Variants in ZNF385A observed in about 807,000 individuals in gnomAD.
The protein encoded by ZNF385A is hematopoietic zinc finger protein.
In ZNF385A, 14 loss-of-function variants were observed where a neutral mutation model predicts 32.1. The observed-to-expected ratio is 0.44, with a 90% CI of 0.29 to 0.68. The LOEUF (loss-of-function observed/expected upper bound fraction) is 0.68. Ranked by LOEUF, ZNF385A falls within the 30% of genes least tolerant of loss-of-function variation. The pLI, the probability that ZNF385A is intolerant of heterozygous loss-of-function variation, is 0.14. For synonymous variants in ZNF385A, 197 were observed against 202.7 expected, an observed-to-expected ratio of 0.97 and a Z score of 0.24; for missense variants, 406 against 478.4, an observed-to-expected ratio of 0.85 and a Z score of 1.41.
At chr12:54,388,300 T>G (rs1313743958), upstream of ZNF385A, among the ~76,000 whole-genome samples, 1 of 152,246 alleles carries the variant, frequency 6.6e-6, no homozygotes, top group Non-Finnish European at 1.5e-5. Context: ...TTTCACATCC[T>G]ACTTAGCCCT....
rs138539214 is a variant in ZNF385A at position 54,374,025 on chromosome 12, T to C, written c.309A>G (p.Pro103=). The C allele has an allele frequency of 5.6e-6, 9 of 1,596,638 alleles. No individual in the cohort carries two copies. The African/African-American group carries it at 1.2e-4, about 21-fold the overall frequency. Residue 103 remains proline (P), a synonymous_variant, in exon 3 of 7, where the codon CCA becomes CCG. Transcript: ENST00000394313. Reference sequence around the variant, plus strand: ...TTGTTGGGGTGCTGCCTGGGGGAGCTGGGTCTCCAGGTTCTCGGACGCCAG... The same window carrying C: ...TTGTTGGGGTGCTGCCTGGGGGAGCCGGGTCTCCAGGTTCTCGGACGCCAG... The part of the protein sequence containing the change: ...REPGVREPGD[P]APPGSTPTNG...
intron 2 of ZNF385A, 62 bp from the exon 3 acceptor site, chr12:54,374,197 C>CAA (rs1555159644): frequency 1.4e-6 from 2 of 1,394,040 alleles, no homozygotes; most frequent in East Asian, 5.1e-5. Context: ...GATCTCCCCA[C>CAA]AGAGCTCCCT....
In ZNF385A at chr12:54,384,549, G is replaced by C. The variant is rs781283316; in HGVS notation, c.-35C>G. 2.0e-6 allele frequency: 3 copies of C among 1,486,256 alleles called. No individual in the cohort carries two copies. Among genetic ancestry groups the C allele is most frequent in the South Asian group, 1.3e-5 (1 of 75,570 alleles). The allele number at this position is 1,486,256 out of a possible 1,614,324, so 92.1% of individuals were successfully genotyped here. On this transcript the variant is annotated 5_prime_UTR_variant, in exon 1 of 7. Coordinates refer to ENST00000394313, the MANE Select transcript of ZNF385A (RefSeq NM_015481.3). ...CTGCCGTAGCAGAGGCAGGGGCCCT[G>C]CCCGGCTCAGGCTGCCTGAAGGGCA...
chr12:54,371,527 C>G lies in ZNF385A; in HGVS notation c.550G>C (p.Ala184Pro), dbSNP rs1220235796. ...GAGTTCACAGCCACCTTGCACAGAG[C>G]ACAGTAGAGCAGCCGCTTGGCTTTC... ...EEKAKRLLYC[A>P]LCKVAVNSLS... The change falls in exon 4 of 7, where the codon GCT becomes CCT. Residue 184 changes from alanine to proline, a missense_variant. By Grantham distance (27) the Ala-to-Pro change is conservative (BLOSUM62 -1). Transcript: ENST00000394313. 2 of 1,613,268 alleles carry G rather than the reference C, an allele frequency of 1.2e-6. No individual in the cohort carries two copies. The highest frequency in any genetic ancestry group is 1.7e-6 in the Non-Finnish European group (2 of 1,179,754).
intron 1 of ZNF385A, among the ~76,000 whole-genome samples, chr12:54,380,596 T>C (rs1955103764): frequency 6.6e-6 from 1 of 152,166 alleles, no homozygotes; most frequent in South Asian, 2.1e-4. Context: ...TACAGGAACA[T>C]ATTTCCCTCC....
At chr12:54,382,244 G>GTT (rs35563558) in intron 1 of ZNF385A, among the ~76,000 whole-genome samples, 1 of 147,964 alleles carries the variant, frequency 6.8e-6, no homozygotes, top group African/African-American at 2.5e-5. Flanking sequence ...GTTTTTTGTT[G>GTT]TTTTTTTTTT....
rs1207821822 is a variant in ZNF385A, at chr12:54,371,069, G to A, written c.632C>T (p.Ala211Val). Reference sequence around the variant, plus strand: ...TTTGATGGGCCCGAGCCCACTTCGGGCCTCCAGAATTGTCTTGTGCTTAGT... The same window carrying A: ...TTTGATGGGCCCGAGCCCACTTCGGACCTCCAGAATTGTCTTGTGCTTAGT... The part of the protein sequence containing the change: ...KGTKHKTILE[A>V]RSGLGPIKAY... The change falls in exon 5 of 7, where the codon GCC becomes GTC. Residue 211 changes from alanine (A) to valine (V), a missense_variant. Physicochemically the swap from Ala to Val is moderately conservative, Grantham distance 64. Coordinates refer to ENST00000394313, the MANE Select transcript of ZNF385A (RefSeq NM_015481.3). 2 of 1,611,946 alleles carry A rather than the reference G, an allele frequency of 1.2e-6. No individual in the cohort carries two copies. The highest frequency in any genetic ancestry group is 1.7e-6 in the Non-Finnish European group (2 of 1,179,138).
At chr12:54,375,191 A>T (rs1166283123) in intron 2 of ZNF385A, among the ~76,000 whole-genome samples, 5 of 152,084 alleles carry the variant, frequency 3.3e-5, no homozygotes, top group Admixed American at 6.5e-5. Context: ...TGCACCCCAC[A>T]AAGTCCCCTC....
chr12:54,373,981 G>T lies in ZNF385A; in HGVS notation c.353C>A (p.Pro118His). 6.5e-7 allele frequency: 1 copy of T among 1,530,528 alleles called. No individual in the cohort carries two copies. The highest frequency in any genetic ancestry group is 8.8e-7 in the Non-Finnish European group (1 of 1,132,840). The allele number at this position is 1,530,528 out of a possible 1,614,324, so 94.8% of individuals were successfully genotyped here. A position where few individuals can be genotyped will look rare whatever the true frequency, so the allele number is the denominator to read the frequency against. Residue 118 changes from proline (P) to histidine (H), a missense_variant, in exon 3 of 7, where the codon CCC (proline) becomes CAC (histidine). By Grantham distance (77) the Pro-to-His change is moderately conservative (BLOSUM62 -2). Transcript: ENST00000394313. The stretch of plus-strand genomic sequence containing the variant: ...CGGGGATTCAGACACACCTGGACGG[G>T]GTGCTACACCATCCCCATTTGTTGG... ...STPTNGDGVAPRPVSMENGLG... is the reference protein window; with the variant it reads ...STPTNGDGVAHRPVSMENGLG...
chr12:54,390,688 C>T (rs1329589394), intron 1 of ZNF385A, among the ~76,000 whole-genome samples: 1 of 147,474 alleles, frequency 6.8e-6, no homozygotes, highest in Non-Finnish European at 1.5e-5. Context: ...AGCCCCTCTG[C>T]TCCCCAGCCC....
At chr12:54,375,095 C>G (rs1351374487) in intron 2 of ZNF385A, among the ~76,000 whole-genome samples, 1 of 151,792 alleles carries the variant, frequency 6.6e-6, no homozygotes, top group African/African-American at 2.4e-5. Context: ...TGTCTCTGTA[C>G]TGGGTAGAGA....
intron 2 of ZNF385A, among the ~76,000 whole-genome samples, chr12:54,374,540 G>C (rs1286431016): frequency 1.3e-5 from 2 of 152,142 alleles, no homozygotes; most frequent in Non-Finnish European, 2.9e-5. Context: ...CTGCCCCTAG[G>C]ATCCAGCCTT....
chr12:54,374,566 G>A (rs1293149301), intron 2 of ZNF385A, among the ~76,000 whole-genome samples: 1 of 152,170 alleles, frequency 6.6e-6, no homozygotes, highest in Non-Finnish European at 1.5e-5. Flanking sequence ...CTTTCACCCT[G>A]AGGCTGGAAG....
intron 2 of ZNF385A, 55 bp downstream of exon 2, chr12:54,375,789 T>C: frequency 1.3e-6 from 2 of 1,511,238 alleles, no homozygotes; most frequent in Non-Finnish European, 1.8e-6. Context: ...CTCCCTCAAG[T>C]TCCCCTGCTG....
At position 54,370,103 on chromosome 12, in the gene ZNF385A, C is replaced by T. The variant is rs1003759989; in HGVS notation, c.*153G>A. 2.0e-5 allele frequency: 12 copies of T among 611,582 alleles called. No homozygotes were observed. Among genetic ancestry groups the T allele is most frequent in the Non-Finnish European group, 3.1e-5 (12 of 386,942 alleles). 37.9% of individuals were successfully genotyped at this position (611,582 alleles called of 1,614,324 possible). A position where few individuals can be genotyped will look rare whatever the true frequency, so the allele number is the denominator to read the frequency against. On this transcript the variant is annotated 3_prime_UTR_variant, in exon 7 of 7. Transcript: ENST00000394313. The surrounding 1 kb of genome is among the most constrained non-coding windows in gnomAD (Gnocchi z 5.5). ...CTTCTGAAGCCCCCCTCCCCCGCTA[C>T]CCCTCCCCTTTCCTGGAACCCCGTA...
At chr12:54,375,764 C>T in intron 2 of ZNF385A, 80 bp downstream of exon 2, 1 of 1,219,190 alleles carries the variant, frequency 8.2e-7, no homozygotes, top group Non-Finnish European at 1.2e-6. Flanking sequence ...TAAGTGTTCT[C>T]ACCCAGCCTC....
chr12:54,371,194 A>G, intron 4 of ZNF385A, 98 bp from the exon 5 acceptor site: 1 of 1,370,972 alleles, frequency 7.3e-7, no homozygotes, highest in Non-Finnish European at 9.8e-7. Context: ...TATGAGGGGG[A>G]AGAGGGTGGG....
chr12:54,371,721 G>C lies in ZNF385A; in HGVS notation c.362-6C>G. 1 of 1,611,494 alleles carries C rather than the reference G, an allele frequency of 6.2e-7. No individual in the cohort carries two copies. Among genetic ancestry groups the C allele is most frequent in the Non-Finnish European group, 8.5e-7 (1 of 1,179,240 alleles). ...CAGTCCATTCTCCATGGAAACTGTT[G>C]TTGGGGGAGAAACATGGGGATCACC... On this transcript the variant is annotated splice_region_variant and splice_polypyrimidine_tract_variant and intron_variant, in intron 3 of 6. Transcript: ENST00000394313.
chr12:54,384,846 T>C, upstream of ZNF385A: 1 of 1,167,718 alleles, frequency 8.6e-7, no homozygotes, highest in African/African-American at 1.6e-5. Flanking sequence ...ACAGACCCAG[T>C]AAGAGCTCAT....
Sources: allele counts gnomAD v4.1 joint callset (sites outside exome capture counted in the v4.1 genomes callset), GRCh38; gene constraint gnomAD v4.1.1; non-coding constraint Gnocchi (gnomAD v3.1); transcripts MANE v1.5; gene names NCBI Gene and HGNC (gene_info 2026-07-23, HGNC 2026-07-21).